Variants in NRP1 observed in about 807,000 individuals in gnomAD.
The protein encoded by NRP1 is neuropilin-1.
Under a neutral mutation model 106.7 loss-of-function variants are expected in NRP1, and 35 were observed. The ratio of observed to expected loss-of-function variants is 0.33; its 90% confidence interval spans 0.25 to 0.43. The LOEUF is 0.43. Ranked by LOEUF, NRP1 falls within the 20% of genes least tolerant of loss-of-function variation. The probability of loss-of-function intolerance (pLI) is 1.00; values close to 1 mark genes in which losing one functional copy is unlikely to be tolerated. For missense variants in NRP1, 1,024 were observed against 1,170.4 expected, an observed-to-expected ratio of 0.87 and a Z score of 1.83; for synonymous variants, 437 against 417.9, an observed-to-expected ratio of 1.05 and a Z score of -0.56.
At chr10:33,211,814 C>G (rs549235870) in intron 9 of NRP1, 2 of 152,232 alleles carry the variant, frequency 1.3e-5, no homozygotes, top group Non-Finnish European at 2.9e-5. Flanking sequence ...AAGCTAAAAT[C>G]TGTTTTTCAC....
chr10:33,213,668 G>A lies in NRP1; in HGVS notation c.1332C>T (p.Asp444=), dbSNP rs144422380. The part of the protein sequence containing the change: ...MLGMVSGLIS[D]SQITSSNQGD... ...CTTGGTTGGATGATGTGATCTGGGAGTCAGAAATAAGTCCAGACACCATAC... is the reference window on the plus strand; with the variant it reads ...CTTGGTTGGATGATGTGATCTGGGAATCAGAAATAAGTCCAGACACCATAC... Residue 444 remains aspartate (D), a synonymous_variant, in exon 9 of 17, where the codon GAC becomes GAT. Coordinates refer to ENST00000374867, the MANE Select transcript of NRP1 (RefSeq NM_003873.7). 78 of 1,613,398 alleles carry A rather than the reference G, an allele frequency of 4.8e-5. No individual in the cohort carries two copies. Among genetic ancestry groups the A allele is most frequent in the Admixed American group, 3.7e-4 (22 of 59,974 alleles).
Position 33,254,317 on chromosome 10 carries a change from G to C in NRP1, c.815-123C>G, listed in dbSNP as rs374850179. 8 of 776,854 alleles carry C rather than the reference G, an allele frequency of 1.0e-5. No individual in the cohort carries two copies. The African/African-American group carries it at 1.4e-4, about 14-fold the overall frequency. 48.1% of individuals were successfully genotyped at this position (776,854 alleles called of 1,614,324 possible). On this transcript the variant is annotated intron_variant, in intron 5 of 16. Coordinates refer to ENST00000374867, the MANE Select transcript of NRP1 (RefSeq NM_003873.7). ...AAATTCTTTAAAAAGATGGTAGTAA[G>C]GGACTTATTGGAATATAGCACTGAT...
intron 8 of NRP1, among the ~76,000 whole-genome samples, chr10:33,220,778 G>C (rs1839169034): frequency 6.6e-6 from 1 of 151,492 alleles, no homozygotes; most frequent in South Asian, 2.1e-4. Flanking sequence ...CACTCCTGTA[G>C]TAGTACCAGC....
intron 10 of NRP1, among the ~76,000 whole-genome samples, chr10:33,205,085 C>T (rs1179540933): frequency 6.6e-6 from 1 of 152,192 alleles, no homozygotes; most frequent in Non-Finnish European, 1.5e-5. Context: ...GACAGACACT[C>T]CTGGGAGGCT....
At chr10:33,246,893 C>G (rs1335147621) in intron 6 of NRP1, among the ~76,000 whole-genome samples, 1 of 152,072 alleles carries the variant, frequency 6.6e-6, no homozygotes, top group Non-Finnish European at 1.5e-5. Flanking sequence ...GTCAATTTAG[C>G]AGATGGAACC....
intron 15 of NRP1, among the ~76,000 whole-genome samples, chr10:33,184,403 G>A (rs775060917): frequency 6.6e-5 from 10 of 152,196 alleles, no homozygotes; most frequent in Non-Finnish European, 1.5e-4. Context: ...ATTGAATTTC[G>A]TTAGAACTTG....
At chr10:33,203,267 T>C (rs144368057) in intron 10 of NRP1, among the ~76,000 whole-genome samples, 24 of 152,344 alleles carry the variant, frequency 1.6e-4, no homozygotes, top group Non-Finnish European at 3.2e-4. Context: ...TAAACATCCT[T>C]CTTCTGAAAA....
chr10:33,194,623 C>G, intron 12 of NRP1: 1 of 449,670 alleles, frequency 2.2e-6, no homozygotes, highest in South Asian at 1.7e-5. Context: ...ACCAGGTGAA[C>G]CGCTCTAAGT....
chr10:33,325,152 T>C (rs1471730885), intron 2 of NRP1, among the ~76,000 whole-genome samples: 3 of 152,182 alleles, frequency 2.0e-5, no homozygotes, highest in Non-Finnish European at 4.4e-5. Context: ...ACTTGGGTTG[T>C]GTATTTTTCT....
chr10:33,216,192 C>G (rs1350990004), intron 8 of NRP1, among the ~76,000 whole-genome samples: 4 of 141,360 alleles, frequency 2.8e-5, no homozygotes, highest in Middle Eastern at 4.2e-3. Context: ...GGCTGGAGTG[C>G]AGTGGGGCGA....
At chr10:33,257,305 C>T (rs182894048) in intron 4 of NRP1, among the ~76,000 whole-genome samples, 13 of 152,204 alleles carry the variant, frequency 8.5e-5, no homozygotes, top group African/African-American at 1.2e-4. Context: ...CTTGAGGAGG[C>T]GAATGATTGG....
rs750790418 is a variant in NRP1, at chr10:33,197,698, C to T, written c.1876G>A (p.Val626Met). ...DDFQLTGGTT[V>M]LATEKPTVID... is the part of the protein sequence containing the mutation. ...ACCGTGGGCTTTTCTGTGGCCAGCA[C>T]AGTGGTGCCACCTGAAAAACAAAAA... is the stretch of plus-strand genomic sequence containing the variant. Residue 626 changes from valine to methionine, a missense_variant, in exon 12 of 17, where the codon GTG becomes ATG. Around this residue, in one of 5 missense-constraint regions of NRP1, gnomAD observed 562 missense variants for 620.3 expected, o/e 0.91. Transcript: ENST00000374867. 36 of 1,597,262 alleles carry T rather than the reference C, an allele frequency of 2.3e-5. No individual in the cohort carries two copies. The highest frequency in any genetic ancestry group is 3.1e-5 in the Non-Finnish European group (36 of 1,170,652).
At chr10:33,218,350 T>C (rs1038311814) in intron 8 of NRP1, among the ~76,000 whole-genome samples, 9 of 151,766 alleles carry the variant, frequency 5.9e-5, no homozygotes, top group Admixed American at 2.0e-4. Flanking sequence ...TTCTTTTTTT[T>C]TTTTTTGAGA....
chr10:33,299,503 G>C (rs1320281377), intron 2 of NRP1, among the ~76,000 whole-genome samples: 1 of 152,184 alleles, frequency 6.6e-6, no homozygotes, highest in Non-Finnish European at 1.5e-5. Context: ...AGGTGACAGG[G>C]CGTGGTGGCT....
At chr10:33,292,147 CA>C (rs1256952862) in intron 2 of NRP1, among the ~76,000 whole-genome samples, 1 of 152,196 alleles carries the variant, frequency 6.6e-6, no homozygotes, top group African/African-American at 2.4e-5. Flanking sequence ...CCACCCACCT[CA>C]GCCTCTCAAA....
At chr10:33,188,991 C>T (rs910938423) in intron 13 of NRP1, among the ~76,000 whole-genome samples, 2 of 149,928 alleles carry the variant, frequency 1.3e-5, no homozygotes, top group African/African-American at 5.0e-5. Context: ...AGGCTGCTCA[C>T]TGCCTGCAGC....
At chr10:33,189,741 A>G (rs183700085) in intron 13 of NRP1, among the ~76,000 whole-genome samples, 30 of 152,286 alleles carry the variant, frequency 2.0e-4, no homozygotes, top group Admixed American at 9.8e-4. Context: ...GCTAGTGTTC[A>G]TTTTCTTTTT....
At chr10:33,245,375 C>T (rs945526146) in intron 6 of NRP1, among the ~76,000 whole-genome samples, 10 of 152,284 alleles carry the variant, frequency 6.6e-5, no homozygotes, top group South Asian at 2.1e-4. Context: ...GTTCAACATC[C>T]TATCTTGCAC....
At chr10:33,328,824 A>G (rs1013136486) in intron 2 of NRP1, among the ~76,000 whole-genome samples, 3 of 152,186 alleles carry the variant, frequency 2.0e-5, no homozygotes, top group African/African-American at 7.2e-5. Flanking sequence ...TTACCACCAC[A>G]TCACTGCCAA....
Sources: allele counts gnomAD v4.1 joint callset (sites outside exome capture counted in the v4.1 genomes callset), GRCh38; gene constraint gnomAD v4.1.1; regional missense constraint gnomAD v4.1.1; transcripts MANE v1.5; gene names NCBI Gene and HGNC (gene_info 2026-07-23, HGNC 2026-07-21).